RC3H2: variants seen among roughly 807,000 people sequenced by gnomAD.
The protein encoded by RC3H2 is roquin-2.
In RC3H2, 31 loss-of-function variants were observed where a neutral mutation model predicts 133.3. The observed-to-expected ratio is 0.23, with a 90% CI of 0.17 to 0.31. The LOEUF (loss-of-function observed/expected upper bound fraction) is 0.31. Ranked by LOEUF, RC3H2 falls within the 10% of genes least tolerant of loss-of-function variation. The pLI is 1.00. For missense variants in RC3H2, 1,175 were observed against 1,437.2 expected (o/e 0.82, Z 2.95); for synonymous variants, 517 against 502.2 (o/e 1.03, Z -0.40).
intron 4 of RC3H2, among the ~76,000 whole-genome samples, chr9:122,889,094 C>T (rs1047961498): frequency 6.6e-6 from 1 of 152,000 alleles, no homozygotes; most frequent in Non-Finnish European, 1.5e-5. Flanking sequence ...TTAGACATAC[C>T]TTATATATTA....
At chr9:122,871,748 A>G (rs913467565) in intron 9 of RC3H2, among the ~76,000 whole-genome samples, 3 of 151,188 alleles carry the variant, frequency 2.0e-5, no homozygotes, top group Non-Finnish European at 4.4e-5. Context: ...ATATTATGCT[A>G]TATTTATTTA....
chr9:122,882,744 C>G (rs1051670749), intron 5 of RC3H2, among the ~76,000 whole-genome samples: 3 of 152,188 alleles, frequency 2.0e-5, no homozygotes, highest in Non-Finnish European at 4.4e-5. Context: ...CCTCAACTTT[C>G]CATTTCCTGG....
Position 122,858,799 on chromosome 9 carries a change from G to C in RC3H2, c.2153C>G (p.Pro718Arg). ...AGATGAGTGCATCACATCCATTGGA[G>C]GTAAAGAATTGCTTCTAATAATGTC... ...RDDIIRSNSL[P>R]PMDVMHSSVY... Residue 718 changes from proline to arginine, a missense_variant, in exon 12 of 21, where the codon CCT becomes CGT. Physicochemically the swap from Pro to Arg is moderately radical, Grantham distance 103. This residue lies in a region of RC3H2 where 490 missense variants were observed against 492.8 expected (regional missense o/e 0.99). Coordinates refer to ENST00000357244, the MANE Select transcript of RC3H2 (RefSeq NM_001100588.3). 3 of 1,614,270 alleles carry C rather than the reference G, an allele frequency of 1.9e-6. No individual in the cohort carries two copies. Among genetic ancestry groups the C allele is most frequent in the Non-Finnish European group, 2.5e-6 (3 of 1,180,046 alleles).
intron 17 of RC3H2, 42 bp from the exon 18 acceptor site, chr9:122,854,128 T>C (rs1259996954): frequency 1.9e-6 from 3 of 1,612,024 alleles, no homozygotes; most frequent in Admixed American, 3.3e-5. Flanking sequence ...CTTCCAACTA[T>C]AGCTTTCAAC....
In RC3H2 at chr9:122,897,522, A is replaced by G; in HGVS notation, c.-13T>C. 3.1e-6 allele frequency: 5 copies of G among 1,609,790 alleles called. No homozygotes were observed. Among genetic ancestry groups the G allele is most frequent in the Non-Finnish European group, 4.2e-6 (5 of 1,177,282 alleles). ...CCTGCACAGGCATTGTGGAAGCTGGATGCTCGGGTTAGCAGTCTAGCAGAT... is the reference window on the plus strand; with the variant it reads ...CCTGCACAGGCATTGTGGAAGCTGGGTGCTCGGGTTAGCAGTCTAGCAGAT... On this transcript the variant is annotated 5_prime_UTR_variant, in exon 2 of 21. Transcript: ENST00000357244.
intron 4 of RC3H2, among the ~76,000 whole-genome samples, chr9:122,884,021 G>A (rs1327277992): frequency 6.6e-6 from 1 of 151,854 alleles, no homozygotes; most frequent in African/African-American, 2.4e-5. Flanking sequence ...TAGGCCGGGC[G>A]CGGTGGCTCA....
At chr9:122,862,070 C>A (rs1317777085) in intron 10 of RC3H2, among the ~76,000 whole-genome samples, 1 of 152,054 alleles carries the variant, frequency 6.6e-6, no homozygotes, top group Non-Finnish European at 1.5e-5. Context: ...TGTTATATAC[C>A]TAAAATTTGG....
chr9:122,846,534 A>T lies in RC3H2; in HGVS notation c.*3093T>A, dbSNP rs1829871893. 6.6e-6 allele frequency: 1 copy of T among 152,238 alleles called. No homozygotes were observed. 9.4% of individuals were successfully genotyped at this position (152,238 alleles called of 1,614,324 possible). On this transcript the variant is annotated 3_prime_UTR_variant, in exon 21 of 21. Coordinates refer to ENST00000357244, the MANE Select transcript of RC3H2 (RefSeq NM_001100588.3). Reference sequence around the variant, plus strand: ...ACAAAAAAACTGATGCTACAACCACAGTAACTGAATGCGGCACATGGATTT... The same window carrying T: ...ACAAAAAAACTGATGCTACAACCACTGTAACTGAATGCGGCACATGGATTT...
intron 11 of RC3H2, among the ~76,000 whole-genome samples, 172 bp from the exon 12 acceptor site, chr9:122,859,274 T>TTTTTTTTTTTTTGTTG (rs1491172398): frequency 1.0e-5 from 1 of 95,460 alleles, no homozygotes; most frequent in Admixed American, 1.1e-4. Flanking sequence ...TTTTTTTTTT[T>TTTTTTTTTTTTTGTTG]GGTAGAGACA....
chr9:122,872,059 T>G (rs1831126124), intron 9 of RC3H2, among the ~76,000 whole-genome samples: 1 of 152,204 alleles, frequency 6.6e-6, no homozygotes, highest in Non-Finnish European at 1.5e-5. Context: ...ATTACAGGCG[T>G]GAGCCACCTC....
At chr9:122,882,083 T>C (rs1384095180) in intron 5 of RC3H2, among the ~76,000 whole-genome samples, 1 of 152,120 alleles carries the variant, frequency 6.6e-6, no homozygotes, top group Non-Finnish European at 1.5e-5. Context: ...AGCAAAAGTC[T>C]GTTGCTTTAA....
At chr9:122,891,625 G>A (rs942250895) in intron 3 of RC3H2, among the ~76,000 whole-genome samples, 6 of 152,050 alleles carry the variant, frequency 3.9e-5, no homozygotes, top group African/African-American at 1.4e-4. Context: ...CACATTATTT[G>A]GCTTACTAAT....
At chr9:122,877,055 A>G (rs1397284181) in intron 9 of RC3H2, among the ~76,000 whole-genome samples, 2 of 152,198 alleles carry the variant, frequency 1.3e-5, no homozygotes, top group African/African-American at 2.4e-5. Flanking sequence ...TCACTTATGT[A>G]AATCTTGTAC....
At chr9:122,879,901 G>T in intron 7 of RC3H2, 28 bp from the exon 8 acceptor site, 1 of 1,611,266 alleles carries the variant, frequency 6.2e-7, no homozygotes, top group Non-Finnish European at 8.5e-7. Flanking sequence ...GGGCATGGGG[G>T]TTGGGGGGGA....
In RC3H2 at chr9:122,846,953, A is replaced by C. The variant is rs1829883496; in HGVS notation, c.*2674T>G. 1 of 152,204 alleles carries C rather than the reference A, an allele frequency of 6.6e-6. No individual in the cohort carries two copies. Among genetic ancestry groups the C allele is most frequent in the African/African-American group, 2.4e-5 (1 of 41,462 alleles). 9.4% of individuals were successfully genotyped at this position (152,204 alleles called of 1,614,324 possible). ...AGCCCACCATGACAGACAGAAGGTG[A>C]CCACTACATAGAGAATGGATGCAAC... is the stretch of plus-strand genomic sequence containing the variant. On this transcript the variant is annotated 3_prime_UTR_variant, in exon 21 of 21. Transcript: ENST00000357244.
At chr9:122,866,570 G>C (rs1306751179) in intron 9 of RC3H2, among the ~76,000 whole-genome samples, 2 of 152,082 alleles carry the variant, frequency 1.3e-5, no homozygotes, top group Non-Finnish European at 2.9e-5. Context: ...ACGCCTGACT[G>C]GTTTTCTTAT....
intron 4 of RC3H2, among the ~76,000 whole-genome samples, chr9:122,883,792 G>T (rs1234303942): frequency 6.6e-6 from 1 of 151,874 alleles, no homozygotes. Context: ...GACCAGTTTG[G>T]GTAATATAGG....
chr9:122,866,960 G>C (rs1830708774), intron 9 of RC3H2, among the ~76,000 whole-genome samples: 1 of 145,122 alleles, frequency 6.9e-6, no homozygotes. Flanking sequence ...GAAGTGAGGA[G>C]CGTCTCTGCC....
intron 5 of RC3H2, among the ~76,000 whole-genome samples, chr9:122,881,935 G>C (rs1287235015): frequency 6.6e-6 from 1 of 152,136 alleles, no homozygotes; most frequent in Non-Finnish European, 1.5e-5. Flanking sequence ...CCAGCTAATA[G>C]GTAGGCATAT....
Sources: allele counts gnomAD v4.1 joint callset (sites outside exome capture counted in the v4.1 genomes callset), GRCh38; gene constraint gnomAD v4.1.1; regional missense constraint gnomAD v4.1.1; transcripts MANE v1.5; gene names NCBI Gene and HGNC (gene_info 2026-07-23, HGNC 2026-07-21).